The following EYS variants were observed in gnomAD, a reference collection of about 807,000 sequenced individuals.
EYS encodes protein eyes shut homolog.
EYS carries 250 observed loss-of-function variants against 282.1 expected under a neutral mutation model. The observed-to-expected ratio is 0.89, with a 90% CI of 0.80 to 0.98. The LOEUF (loss-of-function observed/expected upper bound fraction) is 0.98. Ranked by LOEUF, EYS falls within the 50% of genes least tolerant of loss-of-function variation. The probability of loss-of-function intolerance (pLI) is 0.00; values close to 1 mark genes in which losing one functional copy is unlikely to be tolerated. For synonymous variants in EYS, 1,355 were observed against 1,282.9 expected (o/e 1.06, Z -1.20); for missense variants, 4,016 against 3,709.0 (o/e 1.08, Z -2.15).
chr6:64,023,799 G>A (rs569889064), intron 33 of EYS, among the ~76,000 whole-genome samples: 120 of 152,322 alleles, frequency 7.9e-4, no homozygotes, highest in African/African-American at 2.8e-3. Context: ...GTGGGAACTG[G>A]GGCTGTGCCG....
At chr6:65,509,676 T>A (rs1766791350) in intron 2 of EYS, among the ~76,000 whole-genome samples, 2 of 152,232 alleles carry the variant, frequency 1.3e-5, no homozygotes. Context: ...TTTCATTTTC[T>A]GATGAAGTAG....
chr6:65,168,270 C>T (rs1339521863), intron 12 of EYS, among the ~76,000 whole-genome samples: 1 of 151,196 alleles, frequency 6.6e-6, no homozygotes, highest in African/African-American at 2.4e-5. Flanking sequence ...CCAGTACCAC[C>T]AAAATCTAAT....
intron 12 of EYS, among the ~76,000 whole-genome samples, chr6:65,204,120 A>C (rs2150247615): frequency 6.6e-6 from 1 of 152,160 alleles, no homozygotes; most frequent in South Asian, 2.1e-4. Context: ...AACTAGTAAA[A>C]CTATGAAAAA....
chr6:65,241,956 T>A (rs1767067901), intron 12 of EYS, among the ~76,000 whole-genome samples: 1 of 152,074 alleles, frequency 6.6e-6, no homozygotes, highest in Non-Finnish European at 1.5e-5. Flanking sequence ...TATTTGTCAA[T>A]TAAAAAATGA....
intron 35 of EYS, among the ~76,000 whole-genome samples, chr6:63,910,326 A>T (rs987278695): frequency 6.6e-6 from 1 of 152,180 alleles, no homozygotes; most frequent in African/African-American, 2.4e-5. Flanking sequence ...GGGGCTACTG[A>T]TAAAGAACTT....
At chr6:64,582,584 C>CTTT (rs34078680) in intron 26 of EYS, among the ~76,000 whole-genome samples, 1,997 of 139,584 alleles carry the variant, frequency 0.014, 43 homozygotes, top group African/African-American at 0.049. Flanking sequence ...AATCCTTGGT[C>CTTT]TTTTTTTTTT....
At chr6:64,471,955 G>A (rs373219737) in intron 26 of EYS, among the ~76,000 whole-genome samples, 2 of 144,262 alleles carry the variant, frequency 1.4e-5, no homozygotes, top group African/African-American at 5.4e-5. Flanking sequence ...AGAGCTAGAA[G>A]CAAAAACTGA....
chr6:64,521,009 C>T (rs1304185179), intron 26 of EYS, among the ~76,000 whole-genome samples: 1 of 151,752 alleles, frequency 6.6e-6, no homozygotes, highest in African/African-American at 2.4e-5. Context: ...ATTAAAGGAT[C>T]AGAGACCCTC....
At chr6:63,890,960 C>T (rs191396443) in intron 35 of EYS, among the ~76,000 whole-genome samples, 19 of 152,252 alleles carry the variant, frequency 1.2e-4, no homozygotes, top group African/African-American at 4.1e-4. Context: ...CTATAAATAC[C>T]TCTGCACAAA....
intron 41 of EYS, among the ~76,000 whole-genome samples, chr6:63,753,299 T>TACAG (rs990827062): frequency 1.3e-4 from 20 of 151,908 alleles, no homozygotes; most frequent in Non-Finnish European, 2.4e-4. Flanking sequence ...AAGGCTTATT[T>TACAG]ACAGAAGGTT....
rs1440203963 is a variant in EYS, at chr6:63,864,343, C to G, written c.7071G>C (p.Leu2357=). The G allele has an allele frequency of 6.5e-7, 1 of 1,549,724 alleles. No homozygotes were observed. The highest frequency in any genetic ancestry group is 8.7e-7 in the Non-Finnish European group (1 of 1,146,172). Reference sequence around the variant, plus strand: ...AATACAGCCTTGGACACTCACAAAACAGATTTTCATTATCACTGAGAAGGG... The same window carrying G: ...AATACAGCCTTGGACACTCACAAAAGAGATTTTCATTATCACTGAGAAGGG... ...NGTCISDNEN[L]FCECPRLYSG... The change falls in exon 36 of 43, where the codon CTG becomes CTC. Residue 2357 remains leucine, a synonymous_variant. Coordinates refer to ENST00000503581, the MANE Select transcript of EYS (RefSeq NM_001142800.2).
At chr6:65,407,812 C>A (rs183128667) in intron 5 of EYS, among the ~76,000 whole-genome samples, 3 of 147,104 alleles carry the variant, frequency 2.0e-5, no homozygotes, top group Admixed American at 6.8e-5. Context: ...CCTGGAACTT[C>A]CTATGTTCCA....
At chr6:65,613,308 C>T (rs13201651) in intron 2 of EYS, among the ~76,000 whole-genome samples, 51,933 of 151,588 alleles carry the variant, frequency 0.34, 10,467 homozygotes, top group African/African-American at 0.57. Context: ...ACGGTGGTGA[C>T]TTCTCCATGG....
intron 29 of EYS, among the ~76,000 whole-genome samples, chr6:64,368,296 C>T (rs1412993977): frequency 2.6e-5 from 4 of 152,042 alleles, no homozygotes; most frequent in Non-Finnish European, 4.4e-5. Context: ...TGACTTCTTT[C>T]GTGGTGTATA....
chr6:65,086,158 A>T (rs958384814), intron 12 of EYS, among the ~76,000 whole-genome samples: 3 of 152,040 alleles, frequency 2.0e-5, no homozygotes, highest in African/African-American at 7.2e-5. Context: ...TCTACTAAAA[A>T]TACAAAAATT....
At chr6:64,283,768 T>C (rs990908731) in intron 30 of EYS, among the ~76,000 whole-genome samples, 1 of 152,140 alleles carries the variant, frequency 6.6e-6, no homozygotes, top group Non-Finnish European at 1.5e-5. Flanking sequence ...CTCAGAATCA[T>C]GGTGGGAAGT....
chr6:64,210,127 C>G (rs1298943465), intron 31 of EYS, among the ~76,000 whole-genome samples: 2 of 152,094 alleles, frequency 1.3e-5, no homozygotes, highest in Non-Finnish European at 2.9e-5. Context: ...GATTTATTTT[C>G]TTTCTTCCTT....
chr6:64,942,675 T>C (rs923193768), intron 15 of EYS, among the ~76,000 whole-genome samples: 2 of 150,420 alleles, frequency 1.3e-5, no homozygotes, highest in African/African-American at 2.4e-5. Context: ...GAGAAAAAAA[T>C]TGAAATCCTG....
At chr6:64,379,688 T>C (rs1276882446) in intron 29 of EYS, 1 of 152,144 alleles carries the variant, frequency 6.6e-6, no homozygotes, top group Non-Finnish European at 1.5e-5. Flanking sequence ...CTCAGGGATA[T>C]CACATGAAAG....
Sources: allele counts gnomAD v4.1 joint callset (sites outside exome capture counted in the v4.1 genomes callset), GRCh38; gene constraint gnomAD v4.1.1; transcripts MANE v1.5; gene names NCBI Gene and HGNC (gene_info 2026-07-23, HGNC 2026-07-21).